Variants in BIN3 observed in about 807,000 individuals in gnomAD.
BIN3 encodes bridging integrator 3.
A neutral mutation model predicts 38.2 loss-of-function variants in BIN3; 41 were observed. The ratio of observed to expected loss-of-function variants is 1.07; its 90% CI spans 0.84 to 1.39. The LOEUF (loss-of-function observed/expected upper bound fraction) is 1.39. BIN3 is among the 40% of genes most tolerant of loss of function. BIN3 has a pLI of 0.00. For missense variants in BIN3, 361 were observed against 324.3 expected (o/e 1.11, Z -0.87); for synonymous variants, 145 against 122.6 (o/e 1.18, Z -1.21).
rs751721421 is a variant in BIN3 at position 22,624,038 on chromosome 8, C to A, written c.492G>T (p.Glu164Asp). Residue 164 changes from glutamate (E) to aspartate (D), a missense_variant, in exon 8 of 9, where the codon GAG becomes GAT. Coordinates refer to ENST00000276416, the MANE Select transcript of BIN3 (RefSeq NM_018688.6). ...CAAAGTCCTCCCGCACAGGCCGCAG[C>A]TCCTCTCGTGCCTAGGGAACAAGAC... ...VLAKLHQARE[E>D]LRPVREDFEA... The A allele has an allele frequency of 6.2e-7, 1 of 1,612,942 alleles. No homozygotes were observed. The highest frequency in any genetic ancestry group is 8.5e-7 in the Non-Finnish European group (1 of 1,179,732).
At chr8:22,635,151 G>T (rs1483065010) in intron 4 of BIN3, among the ~76,000 whole-genome samples, 2 of 152,114 alleles carry the variant, frequency 1.3e-5, no homozygotes, top group Non-Finnish European at 2.9e-5. Flanking sequence ...TACCTGTGTG[G>T]GTTATTCATT....
At chr8:22,663,152 G>C (rs1297670457) in intron 1 of BIN3, among the ~76,000 whole-genome samples, 2 of 151,702 alleles carry the variant, frequency 1.3e-5, no homozygotes, top group South Asian at 2.1e-4. Flanking sequence ...GAACATAATA[G>C]AAAATATCAG....
At chr8:22,628,834 G>A (rs1047148396) in intron 6 of BIN3, among the ~76,000 whole-genome samples, 2 of 152,142 alleles carry the variant, frequency 1.3e-5, no homozygotes, top group South Asian at 2.1e-4. Flanking sequence ...AGTCTGTCCC[G>A]AAGCCCAGGA....
rs542759371 is a variant in BIN3, at chr8:22,620,787, G to A, written c.*635C>T. On this transcript the variant is annotated 3_prime_UTR_variant, in exon 9 of 9. Transcript: ENST00000276416. ...GGTGAGACACAAACCCACTGTTCCT[G>A]CTTTGAGACCTGTGAATTCTTGTGG... is the stretch of plus-strand genomic sequence containing the variant. The A allele has an allele frequency of 6.6e-6, 1 of 152,378 alleles. No individual in the cohort carries two copies. The highest frequency in any genetic ancestry group is 1.9e-4 in the East Asian group (1 of 5,190). The allele number at this position is 152,378 out of a possible 1,614,324, so 9.4% of individuals were successfully genotyped here. A position where few individuals can be genotyped will look rare whatever the true frequency, so the allele number is the denominator to read the frequency against.
chr8:22,624,177 G>A (rs778415186), intron 7 of BIN3, 45 bp downstream of exon 7: 27 of 1,598,638 alleles, frequency 1.7e-5, no homozygotes, highest in African/African-American at 5.3e-5. Context: ...AGGTGACCAC[G>A]ATGGCCCACC....
intron 2 of BIN3, 99 bp downstream of exon 2, chr8:22,644,656 T>A: frequency 8.0e-7 from 1 of 1,247,844 alleles, no homozygotes; most frequent in Non-Finnish European, 1.1e-6. Context: ...GGTTGCTGTC[T>A]TCCCAGCCCC....
At chr8:22,636,830 C>A (rs942285139) in intron 3 of BIN3, 92 bp downstream of exon 3, 2 of 1,416,930 alleles carry the variant, frequency 1.4e-6, no homozygotes, top group African/African-American at 1.4e-5. Flanking sequence ...AGGGTGCTCA[C>A]GGGGCAGGGC....
intron 2 of BIN3, among the ~76,000 whole-genome samples, chr8:22,643,126 C>A (rs952310755): frequency 6.6e-6 from 1 of 152,204 alleles, no homozygotes; most frequent in African/African-American, 2.4e-5. Flanking sequence ...GAAACCACTT[C>A]CCTTTCAGAT....
intron 1 of BIN3, among the ~76,000 whole-genome samples, chr8:22,665,918 T>C (rs543251674): frequency 2.2e-4 from 33 of 152,160 alleles, no homozygotes; most frequent in South Asian, 1.5e-3. Context: ...AGGTGGCAAA[T>C]TGTCAGCAGG....
intron 1 of BIN3, among the ~76,000 whole-genome samples, chr8:22,664,105 T>C (rs140271211): frequency 4.6e-4 from 70 of 152,352 alleles, no homozygotes; most frequent in African/African-American, 1.7e-3. Flanking sequence ...TGGGCCCTAT[T>C]TGATGGATTA....
intron 4 of BIN3, among the ~76,000 whole-genome samples, chr8:22,633,481 C>T (rs947984217): frequency 7.9e-5 from 12 of 152,186 alleles, no homozygotes; most frequent in Non-Finnish European, 1.5e-4. Flanking sequence ...GGACCCCACC[C>T]GGGTCTCTGG....
At chr8:22,658,194 T>C (rs1803121188) in intron 1 of BIN3, among the ~76,000 whole-genome samples, 2 of 152,192 alleles carry the variant, frequency 1.3e-5, no homozygotes, top group African/African-American at 4.8e-5. Flanking sequence ...AAGAGATATT[T>C]TAGTCTCAGC....
rs377103262 is a variant in BIN3 at position 22,621,475 on chromosome 8, T to A, written c.709A>T (p.Asn237Tyr). Reference protein sequence around the residue: ...GHSDEQRERENEAKLSELRAL... With the variant: ...GHSDEQREREYEAKLSELRAL... ...CGGAGCTCACTGAGTTTGGCCTCGT[T>A]CTCCCGCTCCCGCTGCTCATCGGAG... is the stretch of plus-strand genomic sequence containing the variant. The change falls in exon 9 of 9, where the codon AAC becomes TAC. Residue 237 changes from asparagine (N) to tyrosine (Y), a missense_variant. Transcript: ENST00000276416. 9.3e-5 allele frequency: 150 copies of A among 1,613,748 alleles called. No individual in the cohort carries two copies. Among genetic ancestry groups the A allele is most frequent in the Non-Finnish European group, 1.2e-4 (145 of 1,179,882 alleles).
chr8:22,631,982 C>CA (rs1366267984), intron 4 of BIN3, among the ~76,000 whole-genome samples: 1 of 152,230 alleles, frequency 6.6e-6, no homozygotes, highest in Admixed American at 6.5e-5. Context: ...GTACCAGTGT[C>CA]AGAGTGCATC....
chr8:22,646,308 G>A (rs1421520367), intron 1 of BIN3, among the ~76,000 whole-genome samples: 1 of 152,134 alleles, frequency 6.6e-6, no homozygotes, highest in Admixed American at 6.5e-5. Flanking sequence ...AGCCAGCCAT[G>A]CTCATCCCTC....
In BIN3 at chr8:22,623,998, G is replaced by A. The variant is rs771822789; in HGVS notation, c.532C>T (p.Gln178Ter). The A allele has an allele frequency of 2.5e-6, 4 of 1,612,984 alleles. 1 individual carries two copies. Among genetic ancestry groups the A allele is most frequent in the South Asian group, 2.2e-5 (2 of 91,022 alleles). The change falls in exon 8 of 9, where the codon CAG (glutamine) becomes TAG (stop). Residue 178 changes from glutamine to a stop codon, truncating the protein, a stop_gained. Transcript: ENST00000276416. LOFTEE classifies it high-confidence loss of function. ...AAGCGCGGCATCTCCTCCAGCAGCT[G>A]CCTGTTCTTGGCTTCAAAGTCCTCC... ...VREDFEAKNR[Q>*]LLEEMPRFYG...
intron 1 of BIN3, among the ~76,000 whole-genome samples, chr8:22,653,482 TAA>T (rs1802962292): frequency 6.6e-6 from 1 of 152,252 alleles, no homozygotes; most frequent in African/African-American, 2.4e-5. Flanking sequence ...TAAGTAAATT[TAA>T]AATTGACCAC....
At position 22,620,632 on chromosome 8, in the gene BIN3, G is replaced by C. The variant is rs1368188783; in HGVS notation, c.*790C>G. The C allele has an allele frequency of 6.6e-6, 1 of 152,160 alleles. No individual in the cohort carries two copies. The highest frequency in any genetic ancestry group is 1.5e-5 in the Non-Finnish European group (1 of 68,036). The allele number at this position is 152,160 out of a possible 1,614,324, so 9.4% of individuals were successfully genotyped here. The stretch of plus-strand genomic sequence containing the variant: ...CTGGCATGCTGGGCTGCCTGCTGGA[G>C]GGTGCTGCTGCTCCGTGGAGGGCAG... On this transcript the variant is annotated 3_prime_UTR_variant, in exon 9 of 9. Coordinates refer to ENST00000276416, the MANE Select transcript of BIN3 (RefSeq NM_018688.6).
chr8:22,667,729 G>T lies in BIN3; in HGVS notation c.8+1315C>A, dbSNP rs563093901. 5.9e-5 allele frequency among the ~76,000 whole-genome samples: 9 copies of T among 152,260 alleles called. No homozygotes were observed. In the South Asian group the frequency reaches 1.9e-3, roughly 32 times the overall value. ...GAGGGAAAAGCAGAAGCTCCTGCCG[G>T]GGCTTATTAGGACATTGCTTCAGGC... On this transcript the variant is annotated intron_variant, in intron 1 of 8. Transcript: ENST00000276416.
Sources: gnomAD v4.1 joint callset for allele counts (sites outside exome capture counted in the v4.1 genomes callset) on GRCh38, gnomAD v4.1.1 for gene constraint, MANE v1.5 for transcripts, NCBI Gene and HGNC (gene_info 2026-07-23, HGNC 2026-07-21) for gene names.